PRKAR2A: variants seen among roughly 807,000 people sequenced by gnomAD.
PRKAR2A encodes protein kinase cAMP-dependent type II regulatory subunit alpha, also known as cAMP-dependent protein kinase type II-alpha regulatory subunit.
Under a neutral mutation model 51.9 loss-of-function variants are expected in PRKAR2A, and 29 were observed. The ratio of observed to expected loss-of-function variants is 0.56; its 90% CI spans 0.42 to 0.76. PRKAR2A has a LOEUF of 0.76. Among genes scored for constraint, PRKAR2A ranks in the 30% least tolerant of loss-of-function variants. PRKAR2A has a pLI of 0.00. For synonymous variants in PRKAR2A, 178 were observed against 186.2 expected (o/e 0.96, Z 0.36); for missense variants, 445 against 512.1 (o/e 0.87, Z 1.26).
chr3:48,781,627 C>T (rs1251499139), intron 5 of PRKAR2A, among the ~76,000 whole-genome samples: 1 of 152,154 alleles, frequency 6.6e-6, no homozygotes, highest in East Asian at 1.9e-4. Context: ...ATTCTCCTGC[C>T]TCAGCCTCCC....
intron 8 of PRKAR2A, among the ~76,000 whole-genome samples, chr3:48,760,868 G>A (rs961347913): frequency 6.6e-6 from 1 of 151,396 alleles, no homozygotes; most frequent in Non-Finnish European, 1.5e-5. Flanking sequence ...GCTTAGTGTG[G>A]TGGCATTACT....
At chr3:48,821,655 C>T (rs539227252) in intron 1 of PRKAR2A, among the ~76,000 whole-genome samples, 3 of 152,318 alleles carry the variant, frequency 2.0e-5, no homozygotes, top group Non-Finnish European at 4.4e-5. Flanking sequence ...CAGTGGCTCA[C>T]GCCTGTAATC....
At chr3:48,824,927 CAG>C (rs1378792212) in intron 1 of PRKAR2A, among the ~76,000 whole-genome samples, 1 of 148,752 alleles carries the variant, frequency 6.7e-6, no homozygotes, top group African/African-American at 2.5e-5. Flanking sequence ...GCCTGGGCGA[CAG>C]AGTGAAATTC....
At chr3:48,816,455 A>G (rs755674887) in intron 1 of PRKAR2A, among the ~76,000 whole-genome samples, 4 of 152,034 alleles carry the variant, frequency 2.6e-5, no homozygotes, top group Non-Finnish European at 4.4e-5. Context: ...CCTGGCCAAC[A>G]TGGTGAAACC....
At position 48,836,435 on chromosome 3, in the gene PRKAR2A, AAAAAAAAAAG is replaced by A. The variant is rs1472436302; in HGVS notation, c.262+10890_262+10899del. Among the ~76,000 whole-genome samples, 226 of 139,994 alleles carry A rather than the reference AAAAAAAAAAG, an allele frequency of 1.6e-3. 6 individuals carry two copies. The East Asian group carries it at 0.038, about 24-fold the overall frequency. The allele number at this position is 139,994 out of a possible 152,430, so 91.8% of individuals were successfully genotyped here. On this transcript the variant is annotated intron_variant, in intron 1 of 10. Transcript: ENST00000265563. Reference sequence around the variant, plus strand: ...GACTCCGTCTAAAAAAAAAAAAAAAAAAAAAAAAAGAAGAAGAAAGCTTTTTTAATATATA... The same window carrying A: ...GACTCCGTCTAAAAAAAAAAAAAAAAAAGAAGAAAGCTTTTTTAATATATA...
intron 6 of PRKAR2A, among the ~76,000 whole-genome samples, chr3:48,766,247 A>AACAAC (rs937297531): frequency 6.6e-6 from 1 of 151,554 alleles, no homozygotes; most frequent in African/African-American, 2.4e-5. Flanking sequence ...CAACAACAAC[A>AACAAC]ACAACAAAAT....
At chr3:48,823,808 A>G (rs1478995015) in intron 1 of PRKAR2A, among the ~76,000 whole-genome samples, 3 of 151,834 alleles carry the variant, frequency 2.0e-5, no homozygotes, top group Admixed American at 1.3e-4. Context: ...AAAAAGAAAA[A>G]AAATCTTCTA....
chr3:48,821,720 A>C (rs2082964148), intron 1 of PRKAR2A, among the ~76,000 whole-genome samples: 1 of 149,136 alleles, frequency 6.7e-6, no homozygotes, highest in Non-Finnish European at 1.5e-5. Context: ...GTTTGAGACC[A>C]GCCTGGCCAA....
intron 6 of PRKAR2A, among the ~76,000 whole-genome samples, chr3:48,769,488 T>A (rs540866393): frequency 6.6e-6 from 1 of 151,926 alleles, no homozygotes; most frequent in East Asian, 2.0e-4. Context: ...GACTTTTTTT[T>A]TTTTTGAGAT....
intron 8 of PRKAR2A, among the ~76,000 whole-genome samples, chr3:48,762,148 G>C (rs552104726): frequency 1.3e-5 from 2 of 152,132 alleles, no homozygotes; most frequent in Non-Finnish European, 2.9e-5. Context: ...GGCCAGGTGC[G>C]GAGGTGCACA....
At chr3:48,778,764 C>T (rs542648560) in intron 5 of PRKAR2A, among the ~76,000 whole-genome samples, 28 of 151,322 alleles carry the variant, frequency 1.9e-4, no homozygotes, top group African/African-American at 6.3e-4. Flanking sequence ...GTGACCTGCC[C>T]GCCTCAGCCT....
At chr3:48,746,169 A>G (rs921059511), downstream of PRKAR2A, among the ~76,000 whole-genome samples, 1 of 152,110 alleles carries the variant, frequency 6.6e-6, no homozygotes, top group East Asian at 1.9e-4. Flanking sequence ...TTCACCCTGC[A>G]GATCTTGGGA....
intron 1 of PRKAR2A, among the ~76,000 whole-genome samples, chr3:48,843,780 C>T (rs1399530674): frequency 1.3e-5 from 2 of 152,104 alleles, no homozygotes; most frequent in East Asian, 3.9e-4. Context: ...ACTGGCTAGC[C>T]ATATGGAGAA....
At chr3:48,753,099 A>T (rs1430329832) in intron 9 of PRKAR2A, among the ~76,000 whole-genome samples, 3 of 150,400 alleles carry the variant, frequency 2.0e-5, no homozygotes, top group Admixed American at 6.6e-5. Flanking sequence ...CGCCTGGCTA[A>T]TTTTTTTGTA....
chr3:48,834,677 G>C (rs2107449712), intron 1 of PRKAR2A, among the ~76,000 whole-genome samples: 1 of 148,086 alleles, frequency 6.8e-6, no homozygotes, highest in East Asian at 2.0e-4. Flanking sequence ...AGTAAGCCAT[G>C]ATCATCGCTG....
intron 2 of PRKAR2A, among the ~76,000 whole-genome samples, chr3:48,802,321 C>T (rs1210113078): frequency 6.6e-6 from 1 of 152,136 alleles, no homozygotes; most frequent in Non-Finnish European, 1.5e-5. Flanking sequence ...GGATTACAGG[C>T]CACCTCGCCC....
At chr3:48,818,991 A>G (rs1429894950) in intron 1 of PRKAR2A, among the ~76,000 whole-genome samples, 1 of 151,690 alleles carries the variant, frequency 6.6e-6, no homozygotes, top group Non-Finnish European at 1.5e-5. Context: ...TCTGCCACGT[A>G]TACCCTGTTC....
At chr3:48,765,154 G>A in intron 7 of PRKAR2A, 76 bp from the exon 8 acceptor site, 2 of 1,540,920 alleles carry the variant, frequency 1.3e-6, no homozygotes, top group East Asian at 2.3e-5. Flanking sequence ...ACAGAAATAG[G>A]ATTAGAATAG....
chr3:48,756,291 G>A, intron 9 of PRKAR2A, 88 bp downstream of exon 9: 2 of 1,150,632 alleles, frequency 1.7e-6, no homozygotes, highest in South Asian at 1.2e-5. Context: ...AACAATGATG[G>A]TTTGGTGTAT....
Sources: gnomAD v4.1 joint callset for allele counts (sites outside exome capture counted in the v4.1 genomes callset) on GRCh38, gnomAD v4.1.1 for gene constraint, MANE v1.5 for transcripts, NCBI Gene and HGNC (gene_info 2026-07-23, HGNC 2026-07-21) for gene names.